Variants in MAML1 observed in about 807,000 individuals in gnomAD.
MAML1 encodes the protein mastermind like transcriptional coactivator 1.
MAML1 carries 14 observed loss-of-function variants against 77.1 expected under a neutral mutation model. The ratio of observed to expected loss-of-function variants is 0.18; its 90% CI spans 0.12 to 0.28. The LOEUF is 0.28. Ranked by LOEUF, MAML1 falls within the 10% of genes least tolerant of loss-of-function variation. The pLI, the probability that MAML1 is intolerant of heterozygous loss-of-function variation, is 1.00. For missense variants in MAML1, 1,217 were observed against 1,327.8 expected (o/e 0.92, Z 1.30); for synonymous variants, 516 against 551.9 (o/e 0.93, Z 0.91).
chr5:179,776,781 T>C lies in MAML1; in HGVS notation c.*1904T>C. On this transcript the variant is annotated 3_prime_UTR_variant, in exon 5 of 5. Coordinates refer to ENST00000292599, the MANE Select transcript of MAML1 (RefSeq NM_014757.5). ...CTGGGGCCGGCGACACAGTGGGGGC[T>C]CCTCACTTGCTGCAGTGTCATAGCA... 1 of 985,906 alleles carries C rather than the reference T, an allele frequency of 1.0e-6. No individual in the cohort carries two copies. Among genetic ancestry groups the C allele is most frequent in the Non-Finnish European group, 1.2e-6 (1 of 829,982 alleles). The allele number at this position is 985,906 out of a possible 1,614,324, so 61.1% of individuals were successfully genotyped here.
chr5:179,747,808 C>CAAA (rs71001044), intron 1 of MAML1, among the ~76,000 whole-genome samples: 1,445 of 40,882 alleles, frequency 0.035, 332 homozygotes, highest in African/African-American at 0.13. Flanking sequence ...GACTCCATCT[C>CAAA]AAAAAAAAAA....
chr5:179,737,567 A>G (rs991203674), intron 1 of MAML1, among the ~76,000 whole-genome samples: 1 of 152,152 alleles, frequency 6.6e-6, no homozygotes, highest in African/African-American at 2.4e-5. Context: ...TTTCCAAGTG[A>G]ACTATATACT....
intron 1 of MAML1, among the ~76,000 whole-genome samples, chr5:179,749,879 G>T (rs1779453260): frequency 6.6e-6 from 1 of 152,124 alleles, no homozygotes; most frequent in African/African-American, 2.4e-5. Flanking sequence ...TATTTCCACT[G>T]CAGGTCCAGC....
rs751847478 is a variant in MAML1 at position 179,766,220 on chromosome 5, G to A, written c.1210G>A (p.Ala404Thr). The change falls in exon 2 of 5, where the codon GCC becomes ACC. Residue 404 changes from alanine to threonine, a missense_variant. This residue lies in a region of MAML1 where 884 missense variants were observed against 949.3 expected (regional missense o/e 0.93). Transcript: ENST00000292599. The surrounding 1 kb of genome is among the most constrained non-coding windows in gnomAD (Gnocchi z 4.0). ...SSAHQLQQIA[A>T]KQKREQMLQN... ...TGCCCACCAGCTCCAGCAGATCGCT[G>A]CCAAGCAGAAGCGCGAGCAGATGCT... 16 of 1,613,118 alleles carry A rather than the reference G, an allele frequency of 9.9e-6. No homozygotes were observed. The Admixed American group carries it at 1.2e-4, about 12-fold the overall frequency.
At chr5:179,767,120 C>G (rs1461289352) in intron 2 of MAML1, among the ~76,000 whole-genome samples, 1 of 65,264 alleles carries the variant, frequency 1.5e-5, no homozygotes, top group African/African-American at 6.6e-5. Context: ...TTTTTTTTTA[C>G]TACCTTTCAG....
At chr5:179,744,162 A>C (rs899852036) in intron 1 of MAML1, among the ~76,000 whole-genome samples, 2 of 152,184 alleles carry the variant, frequency 1.3e-5, no homozygotes, top group Non-Finnish European at 2.9e-5. Context: ...ATTTCTTTGC[A>C]ACAAAAAGAG....
intron 1 of MAML1, among the ~76,000 whole-genome samples, chr5:179,743,518 C>G (rs1030981356): frequency 2.0e-5 from 3 of 151,668 alleles, no homozygotes; most frequent in African/African-American, 7.3e-5. Context: ...AGGCGCCCAC[C>G]ACCACGCCCG....
chr5:179,743,046 CTTT>C (rs71001043), intron 1 of MAML1, among the ~76,000 whole-genome samples: 39 of 69,830 alleles, frequency 5.6e-4, no homozygotes, highest in Non-Finnish European at 7.9e-4. Flanking sequence ...CCCCTTCACA[CTTT>C]TTTTTTTTTT....
At position 179,775,316 on chromosome 5, in the gene MAML1, G is replaced by A; in HGVS notation, c.*439G>A. 1.0e-6 allele frequency: 1 copy of A among 987,500 alleles called. No homozygotes were observed. Among genetic ancestry groups the A allele is most frequent in the Non-Finnish European group, 1.2e-6 (1 of 831,906 alleles). 61.2% of individuals were successfully genotyped at this position (987,500 alleles called of 1,614,324 possible). On this transcript the variant is annotated 3_prime_UTR_variant, in exon 5 of 5. Coordinates refer to ENST00000292599, the MANE Select transcript of MAML1 (RefSeq NM_014757.5). Reference sequence around the variant, plus strand: ...ATAGCAGAATTATTTGCAATTTGTAGCATAGAAAAGATTTTTAAATTTTTT... The same window carrying A: ...ATAGCAGAATTATTTGCAATTTGTAACATAGAAAAGATTTTTAAATTTTTT...
chr5:179,758,315 T>C (rs566367873), intron 1 of MAML1, among the ~76,000 whole-genome samples: 3 of 152,252 alleles, frequency 2.0e-5, no homozygotes, highest in African/African-American at 7.2e-5. Context: ...GTAAGACAAA[T>C]AATGTCTTTA....
chr5:179,740,451 T>G (rs1298745556), intron 1 of MAML1, among the ~76,000 whole-genome samples: 1 of 152,054 alleles, frequency 6.6e-6, no homozygotes, highest in Non-Finnish European at 1.5e-5. Context: ...TTTTGTATTT[T>G]TTTTTTTAGT....
chr5:179,737,230 T>C (rs1779186256), intron 1 of MAML1, among the ~76,000 whole-genome samples: 1 of 152,154 alleles, frequency 6.6e-6, no homozygotes, highest in Admixed American at 6.5e-5. Context: ...ATTTCTTGAG[T>C]TTAAACTCTA....
intron 1 of MAML1, among the ~76,000 whole-genome samples, chr5:179,738,921 C>T (rs1779224953): frequency 6.6e-6 from 1 of 151,850 alleles, no homozygotes; most frequent in South Asian, 2.1e-4. Flanking sequence ...GCTGGGACTA[C>T]AGGCGTGAGC....
intron 1 of MAML1, among the ~76,000 whole-genome samples, chr5:179,742,160 A>C (rs1250432247): frequency 6.9e-6 from 1 of 145,830 alleles, no homozygotes; most frequent in African/African-American, 2.5e-5. Flanking sequence ...GGCGTGAGCC[A>C]CCGCACCTGG....
Position 179,733,434 on chromosome 5 carries a change from A to G in MAML1, c.315+7A>G. ...GCACGGCCGCCCGGCCACGGTGAGTAGGGCGCGGGAAGGCGCTTGTCGTGG... is the reference window on the plus strand; with the variant it reads ...GCACGGCCGCCCGGCCACGGTGAGTGGGGCGCGGGAAGGCGCTTGTCGTGG... On this transcript the variant is annotated splice_region_variant and intron_variant, in intron 1 of 4. Coordinates refer to ENST00000292599, the MANE Select transcript of MAML1 (RefSeq NM_014757.5). The G allele has an allele frequency of 9.2e-7, 1 of 1,092,138 alleles. No individual in the cohort carries two copies. Among genetic ancestry groups the G allele is most frequent in the Non-Finnish European group, 1.1e-6 (1 of 901,012 alleles). 67.7% of individuals were successfully genotyped at this position (1,092,138 alleles called of 1,614,324 possible). A position where few individuals can be genotyped will look rare whatever the true frequency, so the allele number is the denominator to read the frequency against.
rs537452208 is a variant in MAML1 at position 179,768,112 on chromosome 5, T to A, written c.1732-738T>A. Among the ~76,000 whole-genome samples the A allele has an allele frequency of 1.8e-4, 28 of 152,318 alleles. 1 individual carries two copies. In the South Asian group the frequency reaches 5.6e-3, roughly 30 times the overall value. On this transcript the variant is annotated intron_variant, in intron 2 of 4. Transcript: ENST00000292599. ...TCAGGGATAGCCCGAAATCCAAGGT[T>A]TATGCACATGGGACAGAGTGGTCTC...
In MAML1 at chr5:179,771,353, A is replaced by G. The variant is rs757760283; in HGVS notation, c.2068+110A>G. The G allele has an allele frequency of 8.8e-6, 8 of 906,626 alleles. No individual in the cohort carries two copies. The highest frequency in any genetic ancestry group is 3.3e-5 in the African/African-American group (2 of 61,036). The allele number at this position is 906,626 out of a possible 1,614,324, so 56.2% of individuals were successfully genotyped here. ...GCCTTGACTTCATCAGGCTGCATGC[A>G]TTGTCATCATATACACCTCAGTTTG... On this transcript the variant is annotated intron_variant, in intron 4 of 4. Transcript: ENST00000292599. The surrounding 1 kb of genome is among the most constrained non-coding windows in gnomAD (Gnocchi z 4.7).
intron 1 of MAML1, among the ~76,000 whole-genome samples, chr5:179,747,368 A>T (rs1481589026): frequency 6.6e-6 from 1 of 152,194 alleles, no homozygotes; most frequent in Non-Finnish European, 1.5e-5. Flanking sequence ...TGGAGTTGGT[A>T]GAGGTAAGGC....
rs536407378 is a variant in MAML1, at chr5:179,773,770, C to T, written c.2069-125C>T. ...TTCCACCTGTGGAAGGCTTTCTGCCCCATGGCCCCCGGGGCCCTCTTCCCA... is the reference window on the plus strand; with the variant it reads ...TTCCACCTGTGGAAGGCTTTCTGCCTCATGGCCCCCGGGGCCCTCTTCCCA... On this transcript the variant is annotated intron_variant, in intron 4 of 4. Coordinates refer to ENST00000292599, the MANE Select transcript of MAML1 (RefSeq NM_014757.5). 2.7e-6 allele frequency: 4 copies of T among 1,500,642 alleles called. No homozygotes were observed. The East Asian group carries it at 6.8e-5, about 26-fold the overall frequency. The allele number at this position is 1,500,642 out of a possible 1,614,324, so 93.0% of individuals were successfully genotyped here. A position where few individuals can be genotyped will look rare whatever the true frequency, so the allele number is the denominator to read the frequency against.
Sources: gnomAD v4.1 joint callset for allele counts (sites outside exome capture counted in the v4.1 genomes callset) on GRCh38, gnomAD v4.1.1 for gene constraint, gnomAD v4.1.1 regional missense constraint, Gnocchi (gnomAD v3.1) non-coding constraint, MANE v1.5 for transcripts, NCBI Gene and HGNC (gene_info 2026-07-23, HGNC 2026-07-21) for gene names.